PGAP1: variants seen among roughly 807,000 people sequenced by gnomAD.
The protein encoded by PGAP1 is post-GPI attachment to proteins inositol deacylase 1.
A neutral mutation model predicts 127.0 loss-of-function variants in PGAP1; 76 were observed. That is an observed-to-expected ratio of 0.60 (90% CI 0.50 to 0.72). The LOEUF (loss-of-function observed/expected upper bound fraction) is 0.72, where lower values mean the gene tolerates loss of function less well. PGAP1 is among the 30% of genes least tolerant of loss of function. PGAP1 has a pLI of 0.00. For synonymous variants in PGAP1, 362 were observed against 366.5 expected, an observed-to-expected ratio of 0.99 and a Z score of 0.14; for missense variants, 982 against 1,071.3, an observed-to-expected ratio of 0.92 and a Z score of 1.16.
At chr2:196,888,885 T>G (rs866070602) in intron 10 of PGAP1, among the ~76,000 whole-genome samples, 15 of 152,310 alleles carry the variant, frequency 9.8e-5, no homozygotes, top group Middle Eastern at 3.4e-3. Flanking sequence ...AGAATTTACT[T>G]TTAAAATTTT....
intron 1 of PGAP1, among the ~76,000 whole-genome samples, chr2:196,920,470 A>G (rs1703151529): frequency 1.3e-5 from 2 of 152,174 alleles, no homozygotes; most frequent in Admixed American, 1.3e-4. Flanking sequence ...GACAAGTTAC[A>G]TGTTAACATA....
At chr2:196,853,827 T>C (rs1178219826) in intron 20 of PGAP1, among the ~76,000 whole-genome samples, 1 of 152,156 alleles carries the variant, frequency 6.6e-6, no homozygotes, top group Non-Finnish European at 1.5e-5. Context: ...ACCGAAATAC[T>C]ATTATTTCAC....
At position 196,920,056 on chromosome 2, in the gene PGAP1, A is replaced by G. The variant is rs1278468256; in HGVS notation, c.242T>C (p.Leu81Pro). The G allele has an allele frequency of 6.2e-7, 1 of 1,613,408 alleles. No homozygotes were observed. Among genetic ancestry groups the G allele is most frequent in the Non-Finnish European group, 8.5e-7 (1 of 1,179,626 alleles). ...GAGAACTGGAATACCCGTCAAAGGG[A>G]GAATTTTGTGTTCTTCAGCATAGGA... ...EGSYAEEHKI[L>P]PLTGIPVLFL... The change falls in exon 2 of 27, where the codon CTC (leucine) becomes CCC (proline). Residue 81 changes from leucine to proline, a missense_variant. Transcript: ENST00000354764.
chr2:196,855,347 T>C (rs79151495), intron 20 of PGAP1, among the ~76,000 whole-genome samples: 2 of 117,764 alleles, frequency 1.7e-5, no homozygotes, highest in Non-Finnish European at 3.5e-5. Flanking sequence ...AAAAAAAAAA[T>C]GATCCTCATA....
At chr2:196,925,736 T>C (rs761847156) in intron 1 of PGAP1, among the ~76,000 whole-genome samples, 4 of 152,106 alleles carry the variant, frequency 2.6e-5, no homozygotes, top group Non-Finnish European at 4.4e-5. Flanking sequence ...TATGCAACTA[T>C]TAAGAGGCTC....
rs1171388698 is a variant in PGAP1, at chr2:196,837,466, A to G, written c.*3768T>C. On this transcript the variant is annotated 3_prime_UTR_variant, in exon 27 of 27. Transcript: ENST00000354764. ...AACAAACTGAAACCTCGTCTCTACA[A>G]AAAAATTAAAAAGTCAGGCACAGTG... 1 of 152,194 alleles carries G rather than the reference A, an allele frequency of 6.6e-6. No individual in the cohort carries two copies. Among genetic ancestry groups the G allele is most frequent in the East Asian group, 1.9e-4 (1 of 5,204 alleles). The allele number at this position is 152,194 out of a possible 1,614,324, so 9.4% of individuals were successfully genotyped here. A position where few individuals can be genotyped will look rare whatever the true frequency, so the allele number is the denominator to read the frequency against.
In PGAP1 at chr2:196,872,554, A is replaced by G. The variant is rs1270725100; in HGVS notation, c.1620-5T>C. 1 of 1,584,464 alleles carries G rather than the reference A, an allele frequency of 6.3e-7. No homozygotes were observed. The highest frequency in any genetic ancestry group is 1.7e-5 in the Admixed American group (1 of 59,828). On this transcript the variant is annotated splice_region_variant and splice_polypyrimidine_tract_variant and intron_variant, in intron 17 of 26. Coordinates refer to ENST00000354764, the MANE Select transcript of PGAP1 (RefSeq NM_024989.4). ...ATTTCTGTGGAAGATGGAGCCCTGAAGAGATAACTTAAATATCAATTCTCA... is the reference window on the plus strand; with the variant it reads ...ATTTCTGTGGAAGATGGAGCCCTGAGGAGATAACTTAAATATCAATTCTCA...
intron 20 of PGAP1, among the ~76,000 whole-genome samples, chr2:196,854,978 G>C (rs1338583750): frequency 4.7e-5 from 7 of 147,946 alleles, no homozygotes; most frequent in Non-Finnish European, 7.4e-5. Flanking sequence ...TTTTTTTGTA[G>C]AAACGGGGCC....
intron 20 of PGAP1, among the ~76,000 whole-genome samples, chr2:196,851,115 T>C (rs1700704818): frequency 6.6e-6 from 1 of 151,490 alleles, no homozygotes; most frequent in Non-Finnish European, 1.5e-5. Flanking sequence ...GTTCTGACAA[T>C]GAAAGTTGTC....
chr2:196,904,182 A>C (rs1702602036), intron 4 of PGAP1, among the ~76,000 whole-genome samples: 1 of 152,224 alleles, frequency 6.6e-6, no homozygotes, highest in Admixed American at 6.5e-5. Context: ...GAATTCTCAG[A>C]CACCTCAGAG....
rs755064293 is a variant in PGAP1, at chr2:196,848,008, C to A, written c.1891G>T (p.Asp631Tyr). 3 of 1,601,522 alleles carry A rather than the reference C, an allele frequency of 1.9e-6. No homozygotes were observed. The highest frequency in any genetic ancestry group is 2.3e-5 in the South Asian group (2 of 88,032). ...GCCLEYATML[D>Y]KEAKPYKVDP... ...ACTTTGTATGGTTTGGCTTCTTTATCCAACATGGTAGCATATTCTAAGCAA... is the reference window on the plus strand; with the variant it reads ...ACTTTGTATGGTTTGGCTTCTTTATACAACATGGTAGCATATTCTAAGCAA... Residue 631 changes from aspartate to tyrosine, a missense_variant, in exon 21 of 27, where the codon GAT becomes TAT. By Grantham distance (160) the Asp-to-Tyr change is radical. Coordinates refer to ENST00000354764, the MANE Select transcript of PGAP1 (RefSeq NM_024989.4).
chr2:196,912,598 A>C (rs1186861644), intron 4 of PGAP1, among the ~76,000 whole-genome samples: 1 of 151,332 alleles, frequency 6.6e-6, no homozygotes, highest in African/African-American at 2.4e-5. Context: ...AAAAAAAAAA[A>C]AAAAAAAAAC....
At chr2:196,861,436 T>C (rs1239805783) in intron 20 of PGAP1, among the ~76,000 whole-genome samples, 1 of 152,212 alleles carries the variant, frequency 6.6e-6, no homozygotes, top group Non-Finnish European at 1.5e-5. Context: ...AAAGGATTAA[T>C]AACCAGAATA....
At position 196,842,768 on chromosome 2, in the gene PGAP1, C is replaced by T. The variant is rs140965495; in HGVS notation, c.2583G>A (p.Pro861=). The T allele has an allele frequency of 4.0e-5, 63 of 1,584,840 alleles. No homozygotes were observed. Among genetic ancestry groups the T allele is most frequent in the South Asian group, 4.6e-5 (4 of 87,268 alleles). Reference sequence around the variant, plus strand: ...AAGTATTTCCAAGAATTGCCATAGTCGGAATAAGGATAAATGCCAAAGGTT... The same window carrying T: ...AAGTATTTCCAAGAATTGCCATAGTTGGAATAAGGATAAATGCCAAAGGTT... ...PCKPLAFILI[P]TMAILGNTYT... Residue 861 remains proline (P), a synonymous_variant, in exon 26 of 27, where the codon CCG becomes CCA. Transcript: ENST00000354764.
At chr2:196,879,776 G>T (rs1162122528) in intron 13 of PGAP1, among the ~76,000 whole-genome samples, 1 of 151,958 alleles carries the variant, frequency 6.6e-6, no homozygotes, top group Non-Finnish European at 1.5e-5. Flanking sequence ...TACTTAAAGG[G>T]TACCTAATAA....
intron 19 of PGAP1, among the ~76,000 whole-genome samples, chr2:196,866,218 A>T (rs942246061): frequency 6.6e-6 from 1 of 152,218 alleles, no homozygotes; most frequent in African/African-American, 2.4e-5. Context: ...CTGACTTCAA[A>T]CTATACTACA....
intron 3 of PGAP1, among the ~76,000 whole-genome samples, chr2:196,915,235 A>G (rs1300709292): frequency 1.3e-5 from 2 of 152,156 alleles, no homozygotes; most frequent in African/African-American, 2.4e-5. Flanking sequence ...CTTAAAACTT[A>G]GGTGACTCAG....
chr2:196,846,407 TGAAGCATCTCAGAAGGGTGGAGGAA>T (rs1162579762), intron 22 of PGAP1, among the ~76,000 whole-genome samples: 7 of 152,132 alleles, frequency 4.6e-5, no homozygotes, highest in African/African-American at 1.7e-4. Flanking sequence ...AACCCCTATC[TGAAGCATCTCAGAAGGGTGGAGGAA>T]GAAGCATCAC....
chr2:196,889,858 C>CA (rs979436427), intron 10 of PGAP1, among the ~76,000 whole-genome samples: 1,227 of 43,040 alleles, frequency 0.029, 20 homozygotes, highest in African/African-American at 0.045. Flanking sequence ...GACTCCGTCT[C>CA]AAAAAAAAAA....
Sources: gnomAD v4.1 joint callset for allele counts (sites outside exome capture counted in the v4.1 genomes callset) on GRCh38, gnomAD v4.1.1 for gene constraint, MANE v1.5 for transcripts, NCBI Gene and HGNC (gene_info 2026-07-23, HGNC 2026-07-21) for gene names.